ADIG: variants seen among roughly 807,000 people sequenced by gnomAD.
ADIG encodes adipogenin, also known as adipogenesis associated.
Under a neutral mutation model 10.7 loss-of-function variants are expected in ADIG, and 12 were observed. The ratio of observed to expected loss-of-function variants is 1.12; its 90% CI spans 0.72 to 1.82. The LOEUF (loss-of-function observed/expected upper bound fraction) is 1.82. Ranked by LOEUF, ADIG falls within the 40% of genes most tolerant of loss-of-function variation. The pLI is 0.00. For synonymous variants in ADIG, 32 were observed against 35.6 expected, an observed-to-expected ratio of 0.90 and a Z score of 0.36; for missense variants, 72 against 92.5, an observed-to-expected ratio of 0.78 and a Z score of 0.91.
intron 1 of ADIG, among the ~76,000 whole-genome samples, chr20:38,584,633 C>G (rs929824247): frequency 6.6e-5 from 10 of 152,226 alleles, no homozygotes; most frequent in Admixed American, 6.5e-4. Flanking sequence ...CCATCCTCAT[C>G]TGTAAAGTAC....
intron 2 of ADIG, among the ~76,000 whole-genome samples, chr20:38,587,154 G>C (rs189281085): frequency 1.6e-3 from 250 of 152,240 alleles, no homozygotes; most frequent in African/African-American, 5.8e-3. Flanking sequence ...TCCATGAATA[G>C]CACCACTGTG....
chr20:38,584,544 A>G (rs926204835), intron 1 of ADIG, among the ~76,000 whole-genome samples: 2 of 152,212 alleles, frequency 1.3e-5, no homozygotes, highest in Non-Finnish European at 2.9e-5. Context: ...AACACACCCA[A>G]TGGAACCGTG....
intron 1 of ADIG, chr20:38,585,290 TCACCC>T: frequency 2.5e-6 from 2 of 800,444 alleles, no homozygotes; most frequent in African/African-American, 1.7e-5. Context: ...TCTTTTTTTC[TCACCC>T]TACCTCCCCA....
At chr20:38,587,740 CTTT>C (rs11477039) in intron 2 of ADIG, among the ~76,000 whole-genome samples, 11 of 127,346 alleles carry the variant, frequency 8.6e-5, no homozygotes, top group Admixed American at 1.6e-4. Flanking sequence ...TCTTTTTTCC[CTTT>C]TTTTTTTTTT....
At position 38,586,075 on chromosome 20, in the gene ADIG, G is replaced by T. The variant is rs779271705; in HGVS notation, c.171G>T (p.Trp57Cys). 15 of 1,611,022 alleles carry T rather than the reference G, an allele frequency of 9.3e-6. 1 individual carries two copies. The South Asian group carries it at 1.6e-4, about 17-fold the overall frequency. The change falls in exon 2 of 3, where the codon TGG becomes TGT. Residue 57 changes from tryptophan to cysteine, a missense_variant. By Grantham distance (215) the Trp-to-Cys change is radical (BLOSUM62 -2). Transcript: ENST00000537425. ...DSSVCLDWEP[W>C]SKGPAEFCWK... ...GTGTGTGCTTGGATTGGGAGCCCTG[G>T]AGCAAAGGCCCAGCTGAGTTTTGCT...
chr20:38,582,050 G>C (rs1270396920), intron 1 of ADIG, among the ~76,000 whole-genome samples: 21 of 152,104 alleles, frequency 1.4e-4, no homozygotes, highest in Admixed American at 1.4e-3. Flanking sequence ...ATATGGCCTG[G>C]CTGTGTGGCA....
chr20:38,584,369 C>T (rs531799016), intron 1 of ADIG, among the ~76,000 whole-genome samples: 25 of 152,294 alleles, frequency 1.6e-4, no homozygotes, highest in Admixed American at 1.5e-3. Flanking sequence ...GCCCTGCTGC[C>T]GGCATTTTCC....
chr20:38,586,057 C>T lies in ADIG; in HGVS notation c.153C>T (p.Cys51=), dbSNP rs757568065. ...QDSEENDSSV[C]LDWEPWSKGP... ...CAGAGGAAAATGACTCCAGTGTGTGCTTGGATTGGGAGCCCTGGAGCAAAG... is the reference window on the plus strand; with the variant it reads ...CAGAGGAAAATGACTCCAGTGTGTGTTTGGATTGGGAGCCCTGGAGCAAAG... Residue 51 remains cysteine, a synonymous_variant, in exon 2 of 3, where the codon TGC becomes TGT. Coordinates refer to ENST00000537425, the MANE Select transcript of ADIG (RefSeq NM_001393816.1). 1 of 1,610,352 alleles carries T rather than the reference C, an allele frequency of 6.2e-7. No homozygotes were observed. Among genetic ancestry groups the T allele is most frequent in the South Asian group, 1.1e-5 (1 of 89,898 alleles).
chr20:38,585,479 A>G (rs1245685402), intron 1 of ADIG: 1 of 1,550,602 alleles, frequency 6.4e-7, no homozygotes, highest in South Asian at 1.2e-5. Context: ...AAACATTTTA[A>G]CAGCTTCATG....
chr20:38,585,902 T>G, intron 1 of ADIG, 127 bp from the exon 2 acceptor site: 1 of 903,670 alleles, frequency 1.1e-6, no homozygotes, highest in Non-Finnish European at 1.7e-6. Context: ...GCTCATAGGA[T>G]TCTGCCTTGG....
chr20:38,588,227 A>G lies in ADIG; in HGVS notation c.*141A>G. On this transcript the variant is annotated 3_prime_UTR_variant, in exon 3 of 3. Coordinates refer to ENST00000537425, the MANE Select transcript of ADIG (RefSeq NM_001393816.1). ...GGAACCCCCAACTCATCTCCTCTTC[A>G]GACCGACATGTGAAAGCCTCCAGAG... 1.5e-6 allele frequency: 2 copies of G among 1,304,512 alleles called. No homozygotes were observed. The highest frequency in any genetic ancestry group is 1.5e-5 in the African/African-American group (1 of 65,960). The allele number at this position is 1,304,512 out of a possible 1,614,324, so 80.8% of individuals were successfully genotyped here. A position where few individuals can be genotyped will look rare whatever the true frequency, so the allele number is the denominator to read the frequency against.
At chr20:38,581,707 G>C (rs536068665) in intron 1 of ADIG, among the ~76,000 whole-genome samples, 42 of 152,318 alleles carry the variant, frequency 2.8e-4, no homozygotes, top group African/African-American at 9.9e-4. Context: ...ATCGCTCCAG[G>C]CAGATGAACT....
chr20:38,585,428 A>C, intron 1 of ADIG: 1 of 1,550,452 alleles, frequency 6.4e-7, no homozygotes, highest in Non-Finnish European at 8.7e-7. Flanking sequence ...CTTATAATAT[A>C]CCGTAGATAT....
rs1255469163 is a variant in ADIG, at chr20:38,582,204, G to GT, written c.124+833dup. ...GTGGCCAGGTTGCTTGAGCCCAGGA[G>GT]TTTGAGACCAGGCTGGGCAACGTCC... On this transcript the variant is annotated intron_variant, in intron 1 of 2. Transcript: ENST00000537425. Among the ~76,000 whole-genome samples the GT allele has an allele frequency of 3.3e-5, 5 of 152,304 alleles. 1 individual carries two copies. Among genetic ancestry groups the GT allele is most frequent in the African/African-American group, 1.2e-4 (5 of 41,572 alleles).
rs1435576380 is a variant in ADIG at position 38,588,155 on chromosome 20, G to C, written c.*69G>C. The C allele has an allele frequency of 7.7e-7, 1 of 1,304,588 alleles. No individual in the cohort carries two copies. Among genetic ancestry groups the C allele is most frequent in the Admixed American group, 2.3e-5 (1 of 43,542 alleles). The allele number at this position is 1,304,588 out of a possible 1,614,324, so 80.8% of individuals were successfully genotyped here. A position where few individuals can be genotyped will look rare whatever the true frequency, so the allele number is the denominator to read the frequency against. Reference sequence around the variant, plus strand: ...GGCAATGGCAGAAGTGGATGGGAGAGACTTGCCAGGGAGGCAAGAGGACTT... The same window carrying C: ...GGCAATGGCAGAAGTGGATGGGAGACACTTGCCAGGGAGGCAAGAGGACTT... On this transcript the variant is annotated 3_prime_UTR_variant, in exon 3 of 3. Transcript: ENST00000537425.
In ADIG at chr20:38,587,461, C is replaced by T. The variant is rs568984090; in HGVS notation, c.*15-640C>T. Among the ~76,000 whole-genome samples, 120 of 152,242 alleles carry T rather than the reference C, an allele frequency of 7.9e-4. 1 individual carries two copies. The highest frequency in any genetic ancestry group is 2.4e-3 in the African/African-American group (101 of 41,524). On this transcript the variant is annotated intron_variant, in intron 2 of 2. Transcript: ENST00000537425. ...ATGAATGCCCTCAGAGATTTGTGTA[C>T]GGGGCCAGCTCCACAGGTGTGTAAC...
At chr20:38,582,080 T>C (rs116509190) in intron 1 of ADIG, among the ~76,000 whole-genome samples, 107 of 152,266 alleles carry the variant, frequency 7.0e-4, no homozygotes, top group African/African-American at 2.2e-3. Context: ...CTTCTGCTCC[T>C]CTGGCATGTG....
chr20:38,587,996 C>T (rs1467568254), intron 2 of ADIG, 105 bp from the exon 3 acceptor site: 1 of 1,200,184 alleles, frequency 8.3e-7, no homozygotes, highest in Non-Finnish European at 1.1e-6. Context: ...CCTCGGCTTC[C>T]CAAAGTGCTG....
intron 1 of ADIG, among the ~76,000 whole-genome samples, chr20:38,582,839 CA>C (rs1403087489): frequency 3.3e-5 from 5 of 151,636 alleles, no homozygotes; most frequent in Non-Finnish European, 7.4e-5. Context: ...TTTTTTGAAA[CA>C]GAGTCTTACT....
Sources: gnomAD v4.1 joint callset for allele counts (sites outside exome capture counted in the v4.1 genomes callset) on GRCh38, gnomAD v4.1.1 for gene constraint, MANE v1.5 for transcripts, NCBI Gene and HGNC (gene_info 2026-07-23, HGNC 2026-07-21) for gene names.